TMEM80: variants seen among roughly 807,000 people sequenced by gnomAD.
TMEM80 encodes the protein transmembrane protein 80.
TMEM80 carries 16 observed loss-of-function variants against 13.6 expected under a neutral mutation model. The ratio of observed to expected loss-of-function variants is 1.17; its 90% CI spans 0.79 to 1.78. The LOEUF is 1.78. Ranked by LOEUF, TMEM80 falls within the 40% of genes most tolerant of loss-of-function variation. TMEM80 has a pLI of 0.00. For synonymous variants in TMEM80, 92 were observed against 89.5 expected (o/e 1.03, Z -0.16); for missense variants, 167 against 184.6 (o/e 0.90, Z 0.55).
At chr11:704,628 C>T, downstream of TMEM80, 1 of 1,289,358 alleles carries the variant, frequency 7.8e-7, no homozygotes, top group South Asian at 1.2e-5. Context: ...AGCTGGAGAC[C>T]TGTTGCCTTC....
In TMEM80 at chr11:695,952, C is replaced by T. The variant is rs148809112; in HGVS notation, c.19+106C>T. ...TTTCGGTGCGCTCACGGGGCCGTGC[C>T]ACCGTCTCTACGTGAGCGAGACAGC... On this transcript the variant is annotated intron_variant, in intron 1 of 4. Coordinates refer to ENST00000397510, the MANE Select transcript of TMEM80 (RefSeq NM_001042463.3). 1.6e-4 allele frequency: 145 copies of T among 917,016 alleles called. 1 individual carries two copies. In the East Asian group the frequency reaches 4.2e-3, roughly 27 times the overall value. 56.8% of individuals were successfully genotyped at this position (917,016 alleles called of 1,614,324 possible).
chr11:696,133 G>A (rs537495307), intron 1 of TMEM80, among the ~76,000 whole-genome samples: 12 of 152,184 alleles, frequency 7.9e-5, no homozygotes, highest in Non-Finnish European at 1.5e-5. Flanking sequence ...TGTCCCGCGC[G>A]TGGTTTTTGT....
downstream of TMEM80, chr11:704,352 TG>T: frequency 3.2e-6 from 3 of 946,404 alleles, no homozygotes; most frequent in Non-Finnish European, 4.4e-6. Flanking sequence ...CTGTGGCACC[TG>T]GACAGTCTTT....
intron 1 of TMEM80, among the ~76,000 whole-genome samples, chr11:696,048 C>T (rs1861136762): frequency 6.6e-6 from 1 of 151,928 alleles, no homozygotes. Context: ...CGAAGAGCTC[C>T]CCCGCGCGCG....
intron 1 of TMEM80, among the ~76,000 whole-genome samples, chr11:696,598 A>AT (rs1263674010): frequency 6.6e-6 from 1 of 151,636 alleles, no homozygotes; most frequent in Non-Finnish European, 1.5e-5. Context: ...GACCCCCTCT[A>AT]TAAAAAAAAA....
intron 1 of TMEM80, among the ~76,000 whole-genome samples, chr11:696,265 G>A (rs1208194622): frequency 6.6e-6 from 1 of 152,070 alleles, no homozygotes; most frequent in East Asian, 1.9e-4. Context: ...GAGGAGGAAG[G>A]GACAGACCAA....
intron 4 of TMEM80, among the ~76,000 whole-genome samples, chr11:702,465 C>T (rs1016749913): frequency 2.6e-5 from 4 of 152,224 alleles, no homozygotes; most frequent in African/African-American, 9.6e-5. Context: ...TCTCCAGGCA[C>T]CTGGGCTCAG....
In TMEM80 at chr11:703,834, G is replaced by A; in HGVS notation, c.*684G>A. ...AGGAGAGGTCAGGGCTAAGGCCGGG[G>A]ATGAGACTGCAGGAGAGAGAGCAGC... is the stretch of plus-strand genomic sequence containing the variant. On this transcript the variant is annotated 3_prime_UTR_variant, in exon 5 of 5. Coordinates refer to ENST00000397510, the MANE Select transcript of TMEM80 (RefSeq NM_001042463.3). 8.1e-7 allele frequency: 1 copy of A among 1,234,948 alleles called. No homozygotes were observed. Among genetic ancestry groups the A allele is most frequent in the Non-Finnish European group, 1.0e-6 (1 of 990,286 alleles). 76.5% of individuals were successfully genotyped at this position (1,234,948 alleles called of 1,614,324 possible).
rs1204882699 is a variant in TMEM80, at chr11:703,061, G to A, written c.343G>A (p.Ala115Thr). The part of the protein sequence containing the change: ...FLLWQALVLW[A>T]DWALSATLLA... ...GCTTTGGCAGGCCCTAGTGTTGTGG[G>A]CGGACTGGGCCCTCAGCGCCACGCT... The change falls in exon 5 of 5, where the codon GCG becomes ACG. Residue 115 changes from alanine (A) to threonine (T), a missense_variant. By Grantham distance (58) the Ala-to-Thr change is moderately conservative (BLOSUM62 0). Coordinates refer to ENST00000397510, the MANE Select transcript of TMEM80 (RefSeq NM_001042463.3). 2 of 1,612,646 alleles carry A rather than the reference G, an allele frequency of 1.2e-6. No homozygotes were observed. The highest frequency in any genetic ancestry group is 1.7e-6 in the Non-Finnish European group (2 of 1,179,814).
intron 4 of TMEM80, among the ~76,000 whole-genome samples, chr11:701,450 G>C (rs533994047): frequency 1.6e-5 from 2 of 124,084 alleles, no homozygotes; most frequent in African/African-American, 3.1e-5. Context: ...TCGCTCTGTC[G>C]CCCAGGCTGG....
chr11:699,007 G>A, intron 2 of TMEM80, 119 bp downstream of exon 2: 5 of 1,222,062 alleles, frequency 4.1e-6, no homozygotes, highest in South Asian at 1.2e-5. Flanking sequence ...CCACTTTGGA[G>A]AGGGGGGTGT....
intron 4 of TMEM80, among the ~76,000 whole-genome samples, chr11:702,343 ATCT>A (rs1564963511): frequency 1.3e-5 from 2 of 152,126 alleles, no homozygotes; most frequent in Non-Finnish European, 2.9e-5. Flanking sequence ...TTCTTGGCTG[ATCT>A]TCTGGGGCCT....
chr11:702,001 C>T (rs914826168), intron 4 of TMEM80, among the ~76,000 whole-genome samples: 3 of 152,200 alleles, frequency 2.0e-5, no homozygotes, highest in Non-Finnish European at 4.4e-5. Context: ...ATTGTCCTGC[C>T]GTGGGGAACG....
intron 1 of TMEM80, chr11:697,856 T>C: frequency 6.6e-6 from 1 of 152,244 alleles, no homozygotes; most frequent in East Asian, 1.9e-4. Flanking sequence ...CTGATGCCGA[T>C]GTCCTGTATT....
rs1861464975 is a variant in TMEM80, at chr11:701,401, G to C, written c.226+694G>C. Among the ~76,000 whole-genome samples, 4 of 135,548 alleles carry C rather than the reference G, an allele frequency of 3.0e-5. No homozygotes were observed. In the South Asian group the frequency reaches 9.4e-4, roughly 32 times the overall value. 88.9% of individuals were successfully genotyped at this position (135,548 alleles called of 152,430 possible). ...TTTTTTTTTGGTAGAGACGAGACAA[G>C]GTTTCTTTTTTTTTTTTTTTTTTTT... is the stretch of plus-strand genomic sequence containing the variant. On this transcript the variant is annotated intron_variant, in intron 4 of 4. Transcript: ENST00000397510.
Position 700,624 on chromosome 11 carries a change from T to TA in TMEM80, c.143_144insA (p.Phe48LeufsTer38). ...CGCCTCTGCTCTTCAGGTCAGGTGT[T>TA]CAGCTATCCTCACCGCTACCTGGTC... On this transcript the variant is annotated frameshift_variant, in exon 4 of 5. Transcript: ENST00000397510. LOFTEE classifies it high-confidence loss of function. 1 of 1,614,050 alleles carries TA rather than the reference T, an allele frequency of 6.2e-7. No individual in the cohort carries two copies. Among genetic ancestry groups the TA allele is most frequent in the South Asian group, 1.1e-5 (1 of 91,088 alleles).
At chr11:695,778 G>A (rs1861105458), upstream of TMEM80, 4 of 1,237,398 alleles carry the variant, frequency 3.2e-6, no homozygotes, top group East Asian at 6.3e-5. Flanking sequence ...CGAGCGCGCG[G>A]GCCGAGAGGC....
chr11:698,143 A>T (rs1861283810), intron 1 of TMEM80: 1 of 153,196 alleles, frequency 6.5e-6, no homozygotes, highest in African/African-American at 2.4e-5. Flanking sequence ...GGACGTGCAC[A>T]TATCACACGT....
chr11:698,538 A>G (rs1861301591), intron 1 of TMEM80, among the ~76,000 whole-genome samples: 1 of 152,202 alleles, frequency 6.6e-6, no homozygotes, highest in African/African-American at 2.4e-5. Context: ...GCCACAGACA[A>G]TGAGAGCAGC....
Sources: gnomAD v4.1 joint callset for allele counts (sites outside exome capture counted in the v4.1 genomes callset) on GRCh38, gnomAD v4.1.1 for gene constraint, MANE v1.5 for transcripts, NCBI Gene and HGNC (gene_info 2026-07-23, HGNC 2026-07-21) for gene names.